The following KIAA1671 variants were observed in gnomAD, a reference collection of about 807,000 sequenced individuals.
KIAA1671 encodes the protein uncharacterized protein KIAA1671.
Under a neutral mutation model 131.2 loss-of-function variants are expected in KIAA1671, and 52 were observed. The ratio of observed to expected loss-of-function variants is 0.40; its 90% CI spans 0.32 to 0.50. The LOEUF (loss-of-function observed/expected upper bound fraction) is 0.50. Among genes scored for constraint, KIAA1671 ranks in the 20% least tolerant of loss-of-function variants. KIAA1671 has a pLI of 0.73. For missense variants in KIAA1671, 2,360 were observed against 2,364.2 expected (o/e 1.00, Z 0.04); for synonymous variants, 1,003 against 961.6 (o/e 1.04, Z -0.80).
intron 8 of KIAA1671, 74 bp from the exon 9 acceptor site, chr22:25,177,274 G>T (rs1233768688): frequency 1.4e-6 from 2 of 1,390,854 alleles, no homozygotes; most frequent in Non-Finnish European, 9.7e-7. Context: ...GCTGTGTACC[G>T]CCAACTGTGT....
chr22:25,133,641 T>G (rs575180128), intron 6 of KIAA1671, among the ~76,000 whole-genome samples: 14 of 152,286 alleles, frequency 9.2e-5, no homozygotes, highest in African/African-American at 3.4e-4. Flanking sequence ...CTCCTGGGCT[T>G]GGGCGACCCT....
chr22:25,034,166 C>A (rs1235233793), intron 4 of KIAA1671, among the ~76,000 whole-genome samples: 1 of 151,906 alleles, frequency 6.6e-6, no homozygotes, highest in Non-Finnish European at 1.5e-5. Context: ...CTGCCTCAGC[C>A]TCCCGAGTAG....
chr22:25,104,539 C>T (rs576607356), intron 6 of KIAA1671, among the ~76,000 whole-genome samples: 4 of 152,304 alleles, frequency 2.6e-5, no homozygotes, highest in African/African-American at 7.2e-5. Flanking sequence ...GTGGTGTTCT[C>T]AATTTCAGCC....
intron 5 of KIAA1671, among the ~76,000 whole-genome samples, chr22:25,043,236 A>C (rs1927046814): frequency 6.6e-6 from 1 of 152,170 alleles, no homozygotes; most frequent in Admixed American, 6.5e-5. Flanking sequence ...ACACACACAC[A>C]CAAATTCAAA....
chr22:25,112,110 G>T (rs1164997447), intron 6 of KIAA1671: 1 of 398,124 alleles, frequency 2.5e-6, no homozygotes, highest in Non-Finnish European at 4.4e-6. Flanking sequence ...AGAGGCAAGA[G>T]GACACTGGCG....
At chr22:25,104,823 G>C (rs1930905070) in intron 6 of KIAA1671, among the ~76,000 whole-genome samples, 1 of 151,966 alleles carries the variant, frequency 6.6e-6, no homozygotes, top group African/African-American at 2.4e-5. Context: ...ATTTTGGGGA[G>C]AAAATGGGAT....
intron 6 of KIAA1671, among the ~76,000 whole-genome samples, chr22:25,108,850 C>T (rs915016388): frequency 6.6e-6 from 1 of 152,102 alleles, no homozygotes; most frequent in Non-Finnish European, 1.5e-5. Context: ...ACGTTGTACT[C>T]AAGATACTGG....
chr22:25,140,425 G>T (rs190276665), intron 6 of KIAA1671, among the ~76,000 whole-genome samples: 1 of 152,148 alleles, frequency 6.6e-6, no homozygotes, highest in Non-Finnish European at 1.5e-5. Context: ...GCCCAGGCCG[G>T]ACTGCGGTGG....
At chr22:25,068,471 C>T (rs1346489939) in intron 6 of KIAA1671, among the ~76,000 whole-genome samples, 4 of 152,052 alleles carry the variant, frequency 2.6e-5, no homozygotes, top group Admixed American at 2.6e-4. Flanking sequence ...GAGCCTCACT[C>T]TGTCACCCAG....
chr22:24,982,004 CAT>C (rs1280084798), intron 1 of KIAA1671, among the ~76,000 whole-genome samples: 1 of 152,206 alleles, frequency 6.6e-6, no homozygotes, highest in Admixed American at 6.5e-5. Flanking sequence ...TGAGGAGAGA[CAT>C]GTGTATATGT....
chr22:25,088,165 T>C (rs911547342), intron 6 of KIAA1671, among the ~76,000 whole-genome samples: 8 of 151,634 alleles, frequency 5.3e-5, no homozygotes, highest in African/African-American at 1.9e-4. Context: ...TGGAGTGCAG[T>C]GGTGCAGTCT....
At chr22:25,069,449 T>G (rs989434977) in intron 6 of KIAA1671, among the ~76,000 whole-genome samples, 2 of 152,208 alleles carry the variant, frequency 1.3e-5, no homozygotes, top group Non-Finnish European at 2.9e-5. Context: ...CTGGTGCAGC[T>G]GGCAGCTGGT....
intron 6 of KIAA1671, among the ~76,000 whole-genome samples, chr22:25,091,894 G>A (rs527943531): frequency 1.3e-5 from 2 of 152,196 alleles, no homozygotes; most frequent in East Asian, 3.9e-4. Context: ...TGGGTGTTGG[G>A]GTTACCACCT....
chr22:25,059,875 G>C (rs1928063870), intron 6 of KIAA1671: 1 of 152,164 alleles, frequency 6.6e-6, no homozygotes, highest in African/African-American at 2.4e-5. Context: ...AATTTAGTTG[G>C]GGGCAGAATT....
chr22:25,079,187 A>G lies in KIAA1671; in HGVS notation c.4530+29823A>G, dbSNP rs573938974. ...CCAGGCCCTGTTCTAAAGGTTTGGG[A>G]TACATCAGTGCACAAGACAGCCATG... is the stretch of plus-strand genomic sequence containing the variant. On this transcript the variant is annotated intron_variant, in intron 6 of 12. Transcript: ENST00000358431. 2.0e-4 allele frequency among the ~76,000 whole-genome samples: 31 copies of G among 151,694 alleles called. No homozygotes were observed. The South Asian group carries it at 6.1e-3, about 30-fold the overall frequency.
intron 6 of KIAA1671, among the ~76,000 whole-genome samples, chr22:25,166,993 T>C (rs1309479591): frequency 6.6e-6 from 1 of 152,222 alleles, no homozygotes; most frequent in Non-Finnish European, 1.5e-5. Flanking sequence ...ATCTGGCCTC[T>C]GAATCTGACC....
intron 6 of KIAA1671, among the ~76,000 whole-genome samples, chr22:25,125,123 C>T (rs2145934623): frequency 6.6e-6 from 1 of 152,288 alleles, no homozygotes; most frequent in Middle Eastern, 3.4e-3. Context: ...GGCGCCTCTC[C>T]AGGTTGTTCG....
chr22:24,973,600 A>G (rs1302823750), intron 1 of KIAA1671, among the ~76,000 whole-genome samples: 1 of 151,676 alleles, frequency 6.6e-6, no homozygotes, highest in Admixed American at 6.6e-5. Flanking sequence ...TGTCTCTACT[A>G]GGCCAAGCTG....
intron 6 of KIAA1671, among the ~76,000 whole-genome samples, chr22:25,085,611 T>A (rs1483704955): frequency 6.7e-6 from 1 of 148,908 alleles, no homozygotes. Context: ...CTCATGGCCC[T>A]GACAGGAACC....
Sources: allele counts gnomAD v4.1 joint callset (sites outside exome capture counted in the v4.1 genomes callset), GRCh38; gene constraint gnomAD v4.1.1; transcripts MANE v1.5; gene names NCBI Gene and HGNC (gene_info 2026-07-23, HGNC 2026-07-21).